TTC39C: variants seen among roughly 807,000 people sequenced by gnomAD.
The protein encoded by TTC39C is tetratricopeptide repeat protein 39C.
Under a neutral mutation model 76.3 loss-of-function variants are expected in TTC39C, and 33 were observed. The ratio of observed to expected loss-of-function variants is 0.43; its 90% CI spans 0.33 to 0.58. The LOEUF is 0.58. TTC39C is among the 20% of genes least tolerant of loss of function. The pLI, the probability that TTC39C is intolerant of heterozygous loss-of-function variation, is 0.04. For missense variants in TTC39C, 595 were observed against 701.4 expected (o/e 0.85, Z 1.71); for synonymous variants, 254 against 260.6 (o/e 0.97, Z 0.24).
At chr18:24,020,417 A>G (rs2083504742) in intron 1 of TTC39C, 1 of 559,338 alleles carries the variant, frequency 1.8e-6, no homozygotes, top group Admixed American at 6.4e-5. Flanking sequence ...TGTACAAGAA[A>G]CACTTGTACA....
intron 10 of TTC39C, among the ~76,000 whole-genome samples, chr18:24,127,661 G>C (rs2085067728): frequency 6.6e-6 from 1 of 151,962 alleles, no homozygotes; most frequent in African/African-American, 2.4e-5. Flanking sequence ...GGACTACAGG[G>C]GGCATGCCAC....
At chr18:24,028,266 T>C (rs2083622067) in intron 1 of TTC39C, among the ~76,000 whole-genome samples, 1 of 152,188 alleles carries the variant, frequency 6.6e-6, no homozygotes, top group African/African-American at 2.4e-5. Flanking sequence ...AGATTCTTGT[T>C]CTGGAGAAAT....
chr18:24,056,118 A>C (rs2084013162), intron 1 of TTC39C, among the ~76,000 whole-genome samples: 2 of 152,194 alleles, frequency 1.3e-5, no homozygotes, highest in South Asian at 4.1e-4. Flanking sequence ...AGTTAACTCC[A>C]GTGGCCCCCT....
intron 6 of TTC39C, among the ~76,000 whole-genome samples, chr18:24,088,990 A>G (rs901435825): frequency 4.6e-5 from 7 of 152,182 alleles, no homozygotes; most frequent in Non-Finnish European, 7.3e-5. Flanking sequence ...GTTTATTAAG[A>G]TAAAGTTCCA....
At position 24,132,767 on chromosome 18, in the gene TTC39C, T is replaced by C; in HGVS notation, c.*193T>C. On this transcript the variant is annotated 3_prime_UTR_variant, in exon 14 of 14. Coordinates refer to ENST00000317571, the MANE Select transcript of TTC39C (RefSeq NM_001135993.2). ...TGTAGCTGAAAAGTAATAATGATGT[T>C]GAGGAGGATGATGATGGTAATAATA... 2.1e-6 allele frequency: 1 copy of C among 470,090 alleles called. No homozygotes were observed. Among genetic ancestry groups the C allele is most frequent in the Admixed American group, 4.1e-5 (1 of 24,310 alleles). 29.1% of individuals were successfully genotyped at this position (470,090 alleles called of 1,614,324 possible). A position where few individuals can be genotyped will look rare whatever the true frequency, so the allele number is the denominator to read the frequency against.
chr18:24,028,645 T>C (rs1046568445), intron 1 of TTC39C, among the ~76,000 whole-genome samples: 5 of 152,244 alleles, frequency 3.3e-5, no homozygotes, highest in African/African-American at 7.2e-5. Flanking sequence ...AATGTTATTA[T>C]GAAGAATGTT....
intron 6 of TTC39C, among the ~76,000 whole-genome samples, chr18:24,112,740 G>T (rs1366743291): frequency 2.0e-5 from 3 of 152,206 alleles, no homozygotes; most frequent in Non-Finnish European, 4.4e-5. Context: ...CATTCTGTAT[G>T]TGAGAACTAT....
At chr18:24,075,911 C>T (rs2084302173) in intron 4 of TTC39C, among the ~76,000 whole-genome samples, 1 of 152,138 alleles carries the variant, frequency 6.6e-6, no homozygotes, top group South Asian at 2.1e-4. Context: ...TTGCCCTTTC[C>T]CAGGGAAGAC....
intron 11 of TTC39C, among the ~76,000 whole-genome samples, chr18:24,129,525 G>A (rs959450157): frequency 4.6e-5 from 7 of 152,092 alleles, no homozygotes; most frequent in African/African-American, 1.7e-4. Context: ...TGTAATCCCA[G>A]CACTTTGGGA....
intron 8 of TTC39C, among the ~76,000 whole-genome samples, chr18:24,118,848 G>A (rs1442386406): frequency 6.6e-6 from 1 of 151,728 alleles, no homozygotes; most frequent in Non-Finnish European, 1.5e-5. Context: ...TAGCAACAAG[G>A]TCTTGCTATG....
intron 6 of TTC39C, among the ~76,000 whole-genome samples, chr18:24,109,833 T>G (rs145832774): frequency 6.6e-6 from 1 of 152,034 alleles, no homozygotes; most frequent in African/African-American, 2.4e-5. Context: ...GGTGAAACCC[T>G]GTCTCTAGTA....
At chr18:24,112,985 G>C (rs75324903) in intron 6 of TTC39C, among the ~76,000 whole-genome samples, 2,819 of 152,046 alleles carry the variant, frequency 0.019, 54 homozygotes, top group Non-Finnish European at 0.025. Flanking sequence ...GGTGTTTTGT[G>C]TTTGAGCTGT....
At chr18:24,035,030 TTTTCTTTA>T (rs2083715875) in intron 1 of TTC39C, among the ~76,000 whole-genome samples, 1 of 127,486 alleles carries the variant, frequency 7.8e-6, no homozygotes, top group South Asian at 2.3e-4. Flanking sequence ...CCAGTTTTAA[TTTTCTTTA>T]TTTCTTTATT....
At chr18:24,098,852 G>A (rs1280365413) in intron 6 of TTC39C, among the ~76,000 whole-genome samples, 2 of 151,550 alleles carry the variant, frequency 1.3e-5, no homozygotes, top group South Asian at 2.1e-4. Context: ...GGCTGGTATC[G>A]AACTCCTGAC....
At chr18:24,131,551 C>G (rs2085129707) in intron 12 of TTC39C, among the ~76,000 whole-genome samples, 1 of 151,806 alleles carries the variant, frequency 6.6e-6, no homozygotes. Flanking sequence ...ACTAAAAATA[C>G]AAAAATTAGC....
chr18:24,101,413 C>T (rs146636370), intron 6 of TTC39C, among the ~76,000 whole-genome samples: 31 of 152,196 alleles, frequency 2.0e-4, no homozygotes, highest in African/African-American at 7.5e-4. Flanking sequence ...TCGAGACCAT[C>T]CTGGCCAACA....
At chr18:24,087,866 C>A (rs943763317) in intron 6 of TTC39C, among the ~76,000 whole-genome samples, 1 of 152,156 alleles carries the variant, frequency 6.6e-6, no homozygotes, top group African/African-American at 2.4e-5. Context: ...TGTGAATATC[C>A]TGCATGCTGA....
chr18:24,098,111 A>G (rs1281886925), intron 6 of TTC39C, among the ~76,000 whole-genome samples: 1 of 152,098 alleles, frequency 6.6e-6, no homozygotes, highest in African/African-American at 2.4e-5. Context: ...TATATACATA[A>G]CTATCAGTTT....
intron 1 of TTC39C, among the ~76,000 whole-genome samples, chr18:24,062,621 T>G (rs907705864): frequency 1.3e-5 from 2 of 151,924 alleles, no homozygotes; most frequent in Non-Finnish European, 2.9e-5. Flanking sequence ...CCCCCTCACT[T>G]TTTTTCATGT....
Sources: allele counts gnomAD v4.1 joint callset (sites outside exome capture counted in the v4.1 genomes callset), GRCh38; gene constraint gnomAD v4.1.1; transcripts MANE v1.5; gene names NCBI Gene and HGNC (gene_info 2026-07-23, HGNC 2026-07-21).